RASGRP3: variants seen among roughly 807,000 people sequenced by gnomAD.
RASGRP3 encodes ras guanyl-releasing protein 3.
Under a neutral mutation model 82.7 loss-of-function variants are expected in RASGRP3, and 54 were observed. The ratio of observed to expected loss-of-function variants is 0.65; its 90% CI spans 0.52 to 0.82. The LOEUF is 0.82. Ranked by LOEUF, RASGRP3 falls within the 40% of genes least tolerant of loss-of-function variation. The pLI is 0.00. For missense variants in RASGRP3, 861 were observed against 828.9 expected (o/e 1.04, Z -0.48); for synonymous variants, 309 against 300.5 (o/e 1.03, Z -0.29).
At chr2:33,538,120 T>G (rs1273016634) in intron 11 of RASGRP3, among the ~76,000 whole-genome samples, 2 of 152,160 alleles carry the variant, frequency 1.3e-5, no homozygotes, top group Admixed American at 1.3e-4. Flanking sequence ...CCATGATGGA[T>G]TGTTATATAA....
chr2:33,502,102 G>C (rs1276173052), intron 1 of RASGRP3, among the ~76,000 whole-genome samples: 1 of 152,198 alleles, frequency 6.6e-6, no homozygotes, highest in Non-Finnish European at 1.5e-5. Context: ...ATGGCCAGTA[G>C]AGGGTTGCTA....
At chr2:33,522,176 A>G in intron 7 of RASGRP3, 74 bp downstream of exon 7, 1 of 1,495,562 alleles carries the variant, frequency 6.7e-7, no homozygotes. Context: ...GCATTTTCAT[A>G]CTCTGAAGTG....
At chr2:33,516,726 A>T (rs761519302) in intron 4 of RASGRP3, 82 bp downstream of exon 4, 30 of 910,450 alleles carry the variant, frequency 3.3e-5, no homozygotes, top group Non-Finnish European at 4.7e-5. Context: ...AAAGCCAGTA[A>T]ATTAAGATGA....
Position 33,515,179 on chromosome 2 carries a change from C to G in RASGRP3, c.43C>G (p.Leu15Val), listed in dbSNP as rs1250089127. 6.2e-7 allele frequency: 1 copy of G among 1,613,980 alleles called. No homozygotes were observed. Among genetic ancestry groups the G allele is most frequent in the Non-Finnish European group, 8.5e-7 (1 of 1,179,870 alleles). Reference sequence around the variant, plus strand: ...TGGGAAAGCAGCAACATTAGATGAACTGCTGTGCACTTGCATTGAGATGTT... The same window carrying G: ...TGGGAAAGCAGCAACATTAGATGAAGTGCTGTGCACTTGCATTGAGATGTT... ...GLGKAATLDELLCTCIEMFDD... is the reference protein window; with the variant it reads ...GLGKAATLDEVLCTCIEMFDD... Residue 15 changes from leucine to valine, a missense_variant, in exon 3 of 18, where the codon CTG becomes GTG. By Grantham distance (32) the Leu-to-Val change is conservative. Coordinates refer to ENST00000403687, the MANE Select transcript of RASGRP3 (RefSeq NM_001139488.2).
intron 13 of RASGRP3, 122 bp from the exon 14 acceptor site, chr2:33,549,482 G>A: frequency 1.1e-6 from 1 of 911,096 alleles, no homozygotes; most frequent in Non-Finnish European, 1.6e-6. Flanking sequence ...ATGTAATAGA[G>A]AAGTGAATGT....
intron 6 of RASGRP3, among the ~76,000 whole-genome samples, chr2:33,521,231 G>A (rs1672003311): frequency 6.6e-6 from 1 of 152,220 alleles, no homozygotes; most frequent in Non-Finnish European, 1.5e-5. Flanking sequence ...GACCATAGAT[G>A]TGCCAGGAGC....
At chr2:33,480,264 C>T (rs1667774336) in intron 1 of RASGRP3, among the ~76,000 whole-genome samples, 2 of 152,100 alleles carry the variant, frequency 1.3e-5, no homozygotes, top group African/African-American at 2.4e-5. Context: ...AGGATGCTCT[C>T]GATCTCCTGA....
At chr2:33,532,174 A>G (rs888561845) in intron 10 of RASGRP3, 1 of 152,232 alleles carries the variant, frequency 6.6e-6, no homozygotes, top group African/African-American at 2.4e-5. Flanking sequence ...TTTGGCCCAT[A>G]CGGAATCCTA....
chr2:33,494,784 C>G (rs545972840), intron 1 of RASGRP3, among the ~76,000 whole-genome samples: 3 of 152,272 alleles, frequency 2.0e-5, no homozygotes, highest in Admixed American at 2.0e-4. Context: ...GACTATTTTG[C>G]TGATTTTGAG....
chr2:33,562,964 G>A lies in RASGRP3; in HGVS notation c.*227G>A. 1.7e-6 allele frequency: 1 copy of A among 599,288 alleles called. No individual in the cohort carries two copies. Among genetic ancestry groups the A allele is most frequent in the East Asian group, 2.8e-5 (1 of 35,134 alleles). 37.1% of individuals were successfully genotyped at this position (599,288 alleles called of 1,614,324 possible). ...CCTCCTCCCCTACCCCTAGTTAAGT[G>A]CCACAAAGACTGTGTTATGTAGTCA... On this transcript the variant is annotated 3_prime_UTR_variant, in exon 18 of 18. Transcript: ENST00000403687.
chr2:33,437,362 T>C (rs2150867761), intron 1 of RASGRP3, among the ~76,000 whole-genome samples: 1 of 152,360 alleles, frequency 6.6e-6, no homozygotes, highest in African/African-American at 2.4e-5. Flanking sequence ...TTCCAAATTC[T>C]TTTAACATTC....
intron 10 of RASGRP3, chr2:33,530,813 G>C (rs1673048243): frequency 2.0e-5 from 3 of 151,106 alleles, no homozygotes; most frequent in Admixed American, 2.0e-4. Flanking sequence ...TTGAGGGAAG[G>C]AGGACCACGC....
chr2:33,466,434 C>T (rs921903752), intron 2 of RASGRP3, among the ~76,000 whole-genome samples: 2 of 151,942 alleles, frequency 1.3e-5, no homozygotes, highest in African/African-American at 4.8e-5. Context: ...ATCCCAGCAC[C>T]TTGGGAGGCC....
intron 2 of RASGRP3, among the ~76,000 whole-genome samples, chr2:33,455,104 C>T (rs1051073176): frequency 3.3e-5 from 5 of 152,162 alleles, no homozygotes; most frequent in African/African-American, 1.2e-4. Context: ...ACTATAGCTT[C>T]TCACCCTCTT....
chr2:33,563,732 C>T lies in RASGRP3; in HGVS notation c.*995C>T, dbSNP rs1218946492. The T allele has an allele frequency of 6.6e-6, 1 of 151,862 alleles. No homozygotes were observed. The highest frequency in any genetic ancestry group is 2.4e-5 in the African/African-American group (1 of 41,342). The allele number at this position is 151,862 out of a possible 1,614,324, so 9.4% of individuals were successfully genotyped here. A position where few individuals can be genotyped will look rare whatever the true frequency, so the allele number is the denominator to read the frequency against. On this transcript the variant is annotated 3_prime_UTR_variant, in exon 18 of 18. Coordinates refer to ENST00000403687, the MANE Select transcript of RASGRP3 (RefSeq NM_001139488.2). Reference sequence around the variant, plus strand: ...GGTTGTAAAAGAGAACCCTTGTTCCCTTCCTAAGAAACTGCCTTCCACAAT... The same window carrying T: ...GGTTGTAAAAGAGAACCCTTGTTCCTTTCCTAAGAAACTGCCTTCCACAAT...
chr2:33,542,725 C>T lies in RASGRP3; in HGVS notation c.1279-787C>T, dbSNP rs181483728. Among the ~76,000 whole-genome samples the T allele has an allele frequency of 2.1e-4, 28 of 136,080 alleles. 1 individual carries two copies. Among genetic ancestry groups the T allele is most frequent in the African/African-American group, 6.7e-4 (27 of 40,216 alleles). 89.3% of individuals were successfully genotyped at this position (136,080 alleles called of 152,430 possible). On this transcript the variant is annotated intron_variant, in intron 12 of 17. Coordinates refer to ENST00000403687, the MANE Select transcript of RASGRP3 (RefSeq NM_001139488.2). ...TGAGACAGAGTTTTGCTATTGTTGC[C>T]CAGGCTGGAGTGCAATGGCGCCATC...
chr2:33,536,217 A>G (rs1673590370), intron 11 of RASGRP3, among the ~76,000 whole-genome samples: 1 of 150,662 alleles, frequency 6.6e-6, no homozygotes, highest in African/African-American at 2.4e-5. Context: ...CGGGAGGATC[A>G]CTCGAATCCA....
upstream of RASGRP3, among the ~76,000 whole-genome samples, chr2:33,472,870 CAAAA>C (rs57159320): frequency 2.9e-5 from 2 of 68,076 alleles, no homozygotes; most frequent in Non-Finnish European, 2.9e-5. Context: ...GACTCCGTCT[CAAAA>C]AAAAAAAAAA....
At chr2:33,545,811 TTAC>T (rs747745818) in intron 13 of RASGRP3, among the ~76,000 whole-genome samples, 6 of 123,102 alleles carry the variant, frequency 4.9e-5, no homozygotes, top group Non-Finnish European at 6.9e-5. Context: ...ATTATTATTA[TTAC>T]TTTTCTTTGA....
Sources: gnomAD v4.1 joint callset for allele counts (sites outside exome capture counted in the v4.1 genomes callset) on GRCh38, gnomAD v4.1.1 for gene constraint, MANE v1.5 for transcripts, NCBI Gene and HGNC (gene_info 2026-07-23, HGNC 2026-07-21) for gene names.